The following ARB2A variants were observed in gnomAD, a reference collection of about 807,000 sequenced individuals.
ARB2A encodes cotranscriptional regulator ARB2A.
chr5:93,919,749 C>T, the ARB2A span, among the ~76,000 whole-genome samples: 1 of 152,120 alleles, frequency 6.6e-6, no homozygotes, highest in Non-Finnish European at 1.5e-5. Flanking sequence ...ACTTCTCATC[C>T]TTTTCCTCCT....
At chr5:93,777,397 A>G in the ARB2A span, among the ~76,000 whole-genome samples, 2 of 152,206 alleles carry the variant, frequency 1.3e-5, no homozygotes, top group African/African-American at 4.8e-5. Context: ...GTAATTTTTA[A>G]TAGTAACGAT....
the ARB2A span, among the ~76,000 whole-genome samples, chr5:94,043,287 T>G: frequency 1.3e-5 from 2 of 152,192 alleles, no homozygotes; most frequent in Non-Finnish European, 2.9e-5. Context: ...ACACTGCTGA[T>G]CTTTTCGTTT....
the ARB2A span, among the ~76,000 whole-genome samples, chr5:94,067,014 G>C: frequency 6.6e-6 from 1 of 152,138 alleles, no homozygotes; most frequent in African/African-American, 2.4e-5. Context: ...GATTTACCTA[G>C]AAATGCAAGG....
At chr5:93,632,094 A>G in the ARB2A span, among the ~76,000 whole-genome samples, 3 of 152,150 alleles carry the variant, frequency 2.0e-5, no homozygotes, top group East Asian at 5.8e-4. Flanking sequence ...TGAGCAGAGA[A>G]TATAAGGGCT....
At chr5:93,772,836 A>G in the ARB2A span, among the ~76,000 whole-genome samples, 2 of 152,178 alleles carry the variant, frequency 1.3e-5, no homozygotes, top group African/African-American at 4.8e-5. Flanking sequence ...TTTCCATCAC[A>G]GTGAGCAAGC....
At chr5:93,750,035 AG>A in the ARB2A span, among the ~76,000 whole-genome samples, 1 of 152,180 alleles carries the variant, frequency 6.6e-6, no homozygotes, top group East Asian at 1.9e-4. Flanking sequence ...GAGCTCTTTG[AG>A]GGCAGAAGTC....
chr5:93,771,866 A>C, the ARB2A span, among the ~76,000 whole-genome samples: 1 of 152,354 alleles, frequency 6.6e-6, no homozygotes, highest in Non-Finnish European at 1.5e-5. Flanking sequence ...TGGGACTGTA[A>C]ACTAGTTCAA....
chr5:93,698,403 T>A, the ARB2A span, among the ~76,000 whole-genome samples: 3 of 151,874 alleles, frequency 2.0e-5, no homozygotes, highest in African/African-American at 4.8e-5. Context: ...ATATAACAAA[T>A]AACTAAAATA....
the ARB2A span, among the ~76,000 whole-genome samples, chr5:93,808,468 T>C: frequency 2.0e-5 from 3 of 151,536 alleles, no homozygotes; most frequent in African/African-American, 7.3e-5. Flanking sequence ...AAAAATGTTA[T>C]GGGAGAAATC....
the ARB2A span, chr5:93,958,758 C>A: frequency 4.7e-5 from 67 of 1,432,648 alleles, no homozygotes; most frequent in South Asian, 1.4e-4. Context: ...AAAAAAAAAA[C>A]CCAGGAAATT....
chr5:93,979,197 T>C, the ARB2A span, among the ~76,000 whole-genome samples: 1 of 152,132 alleles, frequency 6.6e-6, no homozygotes, highest in Non-Finnish European at 1.5e-5. Flanking sequence ...ACTCATTTCA[T>C]CTCTAAACAG....
At chr5:93,627,673 C>A in the ARB2A span, among the ~76,000 whole-genome samples, 1 of 152,060 alleles carries the variant, frequency 6.6e-6, no homozygotes, top group Non-Finnish European at 1.5e-5. Flanking sequence ...AACTCCTGAC[C>A]TCGTGATCTG....
At chr5:93,785,770 C>T in the ARB2A span, among the ~76,000 whole-genome samples, 23 of 152,082 alleles carry the variant, frequency 1.5e-4, 1 homozygote, top group Non-Finnish European at 2.8e-4. Flanking sequence ...TTACCAACAT[C>T]ATAATATTGC....
the ARB2A span, among the ~76,000 whole-genome samples, chr5:93,840,487 T>C: frequency 2.0e-5 from 3 of 152,180 alleles, no homozygotes; most frequent in African/African-American, 7.2e-5. Flanking sequence ...TGTTAAGTGG[T>C]AACTCCACCC....
the ARB2A span, among the ~76,000 whole-genome samples, chr5:93,919,588 T>C: frequency 3.9e-5 from 6 of 152,284 alleles, no homozygotes; most frequent in Admixed American, 2.0e-4. Context: ...ATAGCCCAAA[T>C]GGTCGTTAGC....
the ARB2A span, chr5:93,618,407 A>T: frequency 6.6e-6 from 1 of 152,150 alleles, no homozygotes; most frequent in Non-Finnish European, 1.5e-5. Context: ...ATATAATTAA[A>T]ATAAAAAGGC....
chr5:93,767,553 T>C, the ARB2A span, among the ~76,000 whole-genome samples: 1 of 152,112 alleles, frequency 6.6e-6, no homozygotes, highest in Admixed American at 6.5e-5. Context: ...GAAGTCATTA[T>C]ATGAAAAAGA....
At chr5:94,109,133 T>C in the ARB2A span, among the ~76,000 whole-genome samples, 3 of 152,218 alleles carry the variant, frequency 2.0e-5, no homozygotes, top group African/African-American at 7.2e-5. Context: ...CGCTACAACA[T>C]GGACGAACGT....
chr5:94,085,350 A>C, the ARB2A span, among the ~76,000 whole-genome samples: 4 of 152,238 alleles, frequency 2.6e-5, no homozygotes, highest in African/African-American at 9.6e-5. Context: ...TCAGCTGGGA[A>C]GTTCTCAATC....
Sources: allele counts gnomAD v4.1 joint callset (sites outside exome capture counted in the v4.1 genomes callset), GRCh38; gene constraint gnomAD v4.1.1; transcripts MANE v1.5; gene names NCBI Gene and HGNC (gene_info 2026-07-23, HGNC 2026-07-21).